CALN1: variants seen among roughly 807,000 people sequenced by gnomAD.
CALN1 encodes calcium-binding protein 8.
A neutral mutation model predicts 30.6 loss-of-function variants in CALN1; 17 were observed. That is an observed-to-expected ratio of 0.56 (90% CI 0.38 to 0.83). The LOEUF is 0.83. Ranked by LOEUF, CALN1 falls within the 40% of genes least tolerant of loss-of-function variation. The probability of loss-of-function intolerance (pLI) is 0.00; values close to 1 mark genes in which losing one functional copy is unlikely to be tolerated. For synonymous variants in CALN1, 156 were observed against 131.4 expected, an observed-to-expected ratio of 1.19 and a Z score of -1.28; for missense variants, 291 against 354.9, an observed-to-expected ratio of 0.82 and a Z score of 1.45.
intron 4 of CALN1, among the ~76,000 whole-genome samples, chr7:72,094,619 T>C (rs1212416452): frequency 2.0e-5 from 3 of 152,122 alleles, no homozygotes; most frequent in South Asian, 2.1e-4. Context: ...AGTTAGTCAT[T>C]GGCTGAAACT....
intron 2 of CALN1, among the ~76,000 whole-genome samples, chr7:72,280,704 C>T (rs947278283): frequency 6.6e-6 from 1 of 152,122 alleles, no homozygotes; most frequent in Non-Finnish European, 1.5e-5. Flanking sequence ...GAATGTCTCC[C>T]CAAAATTTTG....
chr7:71,861,220 A>G (rs1376141034), intron 5 of CALN1, among the ~76,000 whole-genome samples: 1 of 152,084 alleles, frequency 6.6e-6, no homozygotes, highest in Non-Finnish European at 1.5e-5. Flanking sequence ...TTATGCAAGT[A>G]TAAGCTGACC....
At chr7:72,410,068 T>C (rs1005904176) in intron 1 of CALN1, among the ~76,000 whole-genome samples, 7 of 152,338 alleles carry the variant, frequency 4.6e-5, no homozygotes, top group Non-Finnish European at 1.0e-4. Flanking sequence ...GGACAAAATG[T>C]TCCATTGTGC....
At chr7:72,231,366 A>T (rs1794087894) in intron 3 of CALN1, among the ~76,000 whole-genome samples, 1 of 152,170 alleles carries the variant, frequency 6.6e-6, no homozygotes, top group Non-Finnish European at 1.5e-5. Flanking sequence ...TTCCACTTAC[A>T]AGTGAGAACA....
At chr7:72,189,886 G>C (rs1447663425) in intron 3 of CALN1, among the ~76,000 whole-genome samples, 2 of 152,114 alleles carry the variant, frequency 1.3e-5, no homozygotes, top group East Asian at 3.8e-4. Flanking sequence ...CTGGGGCATA[G>C]GATACAATAC....
At chr7:72,471,937 C>T in the CALN1 span, among the ~76,000 whole-genome samples, 2 of 152,266 alleles carry the variant, frequency 1.3e-5, no homozygotes, top group African/African-American at 4.8e-5. Flanking sequence ...GTATCTGGAA[C>T]TACAGGCAAC....
chr7:72,330,538 C>G (rs1801603425), intron 2 of CALN1, among the ~76,000 whole-genome samples: 2 of 150,564 alleles, frequency 1.3e-5, no homozygotes, highest in Non-Finnish European at 2.9e-5. Flanking sequence ...TTGCATCTGT[C>G]TCAATTATAT....
At chr7:72,380,224 A>C (rs2129560758) in intron 2 of CALN1, among the ~76,000 whole-genome samples, 1 of 152,310 alleles carries the variant, frequency 6.6e-6, no homozygotes, top group Admixed American at 6.5e-5. Context: ...ACAAATCAGC[A>C]AACGCCAAGC....
chr7:72,056,004 A>G (rs562810415), intron 4 of CALN1, among the ~76,000 whole-genome samples: 6 of 152,358 alleles, frequency 3.9e-5, no homozygotes, highest in African/African-American at 1.4e-4. Context: ...GGGGCAACAG[A>G]GCAAGATCCT....
At chr7:72,141,229 T>C (rs1465568160) in intron 3 of CALN1, among the ~76,000 whole-genome samples, 2 of 151,718 alleles carry the variant, frequency 1.3e-5, no homozygotes, top group East Asian at 3.9e-4. Flanking sequence ...GCCCAGGAGG[T>C]TGCAGTGAGC....
rs1379890004 is a variant in CALN1, at chr7:71,786,842, C to A, written c.*933G>T. 6.6e-6 allele frequency: 1 copy of A among 152,648 alleles called. No individual in the cohort carries two copies. The highest frequency in any genetic ancestry group is 6.5e-5 in the Admixed American group (1 of 15,288). 9.5% of individuals were successfully genotyped at this position (152,648 alleles called of 1,614,324 possible). A position where few individuals can be genotyped will look rare whatever the true frequency, so the allele number is the denominator to read the frequency against. ...TCACCGCCAGTCCCAGTCCCCTCCC[C>A]CCTCAACCTGCCTCACCCCTGCCCC... is the stretch of plus-strand genomic sequence containing the variant. On this transcript the variant is annotated 3_prime_UTR_variant, in exon 7 of 7. Transcript: ENST00000395275.
chr7:71,999,134 T>G (rs1444654903), intron 5 of CALN1, among the ~76,000 whole-genome samples: 3 of 152,264 alleles, frequency 2.0e-5, no homozygotes, highest in African/African-American at 7.2e-5. Flanking sequence ...AATGGAAAAT[T>G]ATATAACCTG....
At chr7:72,231,438 C>T (rs1428417207) in intron 3 of CALN1, among the ~76,000 whole-genome samples, 1 of 152,194 alleles carries the variant, frequency 6.6e-6, no homozygotes, top group Non-Finnish European at 1.5e-5. Context: ...CCAGCTCCAT[C>T]CATGTCTCTG....
chr7:72,477,809 C>G, the CALN1 span, among the ~76,000 whole-genome samples: 1 of 152,200 alleles, frequency 6.6e-6, no homozygotes, highest in Non-Finnish European at 1.5e-5. Flanking sequence ...ATCCTCCTGC[C>G]TCAGACTCTC....
intron 3 of CALN1, among the ~76,000 whole-genome samples, chr7:72,128,590 G>A (rs972696326): frequency 5.3e-5 from 8 of 152,174 alleles, no homozygotes; most frequent in Non-Finnish European, 1.2e-4. Flanking sequence ...CTTAAAACGG[G>A]CCAGGTGCAG....
chr7:72,145,417 C>T (rs187787165), intron 3 of CALN1, among the ~76,000 whole-genome samples: 3,957 of 152,160 alleles, frequency 0.026, 183 homozygotes, highest in African/African-American at 0.09. Context: ...CAAGACTAAA[C>T]CAGGAAGAAG....
At chr7:72,252,304 T>C (rs918540481) in intron 3 of CALN1, among the ~76,000 whole-genome samples, 7 of 152,064 alleles carry the variant, frequency 4.6e-5, no homozygotes, top group Admixed American at 3.9e-4. Flanking sequence ...ACCTTTGAAA[T>C]AGATCCAGAA....
intron 5 of CALN1, among the ~76,000 whole-genome samples, chr7:71,922,395 A>AGTTAGTG (rs1296999352): frequency 6.6e-6 from 1 of 150,944 alleles, no homozygotes; most frequent in African/African-American, 2.4e-5. Flanking sequence ...AGTGACAACT[A>AGTTAGTG]GTTAGTGACA....
intron 2 of CALN1, among the ~76,000 whole-genome samples, chr7:72,384,214 A>G (rs1418002243): frequency 6.6e-6 from 1 of 152,218 alleles, no homozygotes; most frequent in Non-Finnish European, 1.5e-5. Context: ...GGACTTACAT[A>G]AAACTGTCTC....
Sources: allele counts gnomAD v4.1 joint callset (sites outside exome capture counted in the v4.1 genomes callset), GRCh38; gene constraint gnomAD v4.1.1; transcripts MANE v1.5; gene names NCBI Gene and HGNC (gene_info 2026-07-23, HGNC 2026-07-21).